Variants in CCSER1 observed in about 807,000 individuals in gnomAD.
The protein encoded by CCSER1 is serine-rich coiled-coil domain-containing protein 1.
A neutral mutation model predicts 82.0 loss-of-function variants in CCSER1; 41 were observed. The observed-to-expected ratio is 0.50, with a 90% CI of 0.39 to 0.65. The LOEUF (loss-of-function observed/expected upper bound fraction) is 0.65. CCSER1 is among the 30% of genes least tolerant of loss of function. The pLI is 0.00. For missense variants in CCSER1, 1,119 were observed against 1,064.2 expected (o/e 1.05, Z -0.72); for synonymous variants, 414 against 383.9 (o/e 1.08, Z -0.92).
intron 1 of CCSER1, among the ~76,000 whole-genome samples, chr4:90,211,199 C>T (rs993463857): frequency 1.3e-5 from 2 of 152,018 alleles, no homozygotes; most frequent in African/African-American, 2.4e-5. Context: ...ATTTGAAATC[C>T]CCATGTGCAA....
chr4:91,106,952 C>A (rs1216308042), intron 10 of CCSER1, among the ~76,000 whole-genome samples: 1 of 152,188 alleles, frequency 6.6e-6, no homozygotes, highest in Non-Finnish European at 1.5e-5. Flanking sequence ...CAAGGATAGA[C>A]TGCATAGATG....
chr4:91,421,126 A>G (rs1753661469), intron 10 of CCSER1, among the ~76,000 whole-genome samples: 1 of 152,202 alleles, frequency 6.6e-6, no homozygotes, highest in African/African-American at 2.4e-5. Context: ...TGGGGATCAC[A>G]GCTAATGTGA....
At chr4:91,315,518 C>T (rs1745772354) in intron 10 of CCSER1, among the ~76,000 whole-genome samples, 1 of 151,932 alleles carries the variant, frequency 6.6e-6, no homozygotes, top group African/African-American at 2.4e-5. Flanking sequence ...TTAACACTAG[C>T]ATTTACTGAG....
chr4:91,094,798 T>C (rs1228449586), intron 10 of CCSER1, among the ~76,000 whole-genome samples: 1 of 152,078 alleles, frequency 6.6e-6, no homozygotes, highest in Non-Finnish European at 1.5e-5. Flanking sequence ...AAAGTCTCCA[T>C]TCTTCTTCTC....
chr4:90,234,739 G>T (rs1427148795), intron 1 of CCSER1, among the ~76,000 whole-genome samples: 1 of 152,104 alleles, frequency 6.6e-6, no homozygotes, highest in Non-Finnish European at 1.5e-5. Context: ...GATGGGGACT[G>T]TTATTATTTC....
intron 10 of CCSER1, among the ~76,000 whole-genome samples, chr4:91,395,927 T>C (rs1751949663): frequency 6.6e-6 from 1 of 152,128 alleles, no homozygotes; most frequent in Non-Finnish European, 1.5e-5. Flanking sequence ...AGCTATTGAA[T>C]GTAGTCAGTT....
intron 1 of CCSER1, among the ~76,000 whole-genome samples, chr4:90,239,698 C>T (rs749637685): frequency 2.6e-5 from 4 of 152,134 alleles, no homozygotes; most frequent in South Asian, 2.1e-4. Context: ...AGTCTAATCT[C>T]GAACGCCTGG....
At chr4:90,434,729 C>A (rs1310512974) in intron 4 of CCSER1, among the ~76,000 whole-genome samples, 2 of 152,062 alleles carry the variant, frequency 1.3e-5, no homozygotes, top group African/African-American at 2.4e-5. Flanking sequence ...ATTTGAGGAA[C>A]CTTGCATTCA....
At chr4:90,271,615 G>A (rs1726288182) in intron 1 of CCSER1, among the ~76,000 whole-genome samples, 1 of 151,386 alleles carries the variant, frequency 6.6e-6, no homozygotes, top group Non-Finnish European at 1.5e-5. Context: ...ACCAAGCACA[G>A]GCAACTAAAG....
chr4:91,019,231 AT>A (rs991695205), intron 9 of CCSER1, among the ~76,000 whole-genome samples: 21 of 151,784 alleles, frequency 1.4e-4, no homozygotes, highest in African/African-American at 4.8e-4. Context: ...AAACAAATAT[AT>A]TTATAAATTA....
chr4:90,802,570 T>G (rs1317577512), intron 7 of CCSER1, among the ~76,000 whole-genome samples: 4 of 66,518 alleles, frequency 6.0e-5, no homozygotes, highest in Admixed American at 5.7e-4. Context: ...AAGTAGTAAT[T>G]ATTAATGCTG....
In CCSER1 at chr4:90,261,781, CTT is replaced by C. The variant is rs1724376054; in HGVS notation, c.-41-46461_-41-46460del. Among the ~76,000 whole-genome samples, 5 of 152,190 alleles carry C rather than the reference CTT, an allele frequency of 3.3e-5. No homozygotes were observed. The South Asian group carries it at 1.0e-3, about 32-fold the overall frequency. ...TACATAATCCCATATTTCTTGGAGA[CTT>C]TGTGTATTTCTTTTGATTCTTTTTG... On this transcript the variant is annotated intron_variant, in intron 1 of 10. Coordinates refer to ENST00000509176, the MANE Select transcript of CCSER1 (RefSeq NM_001145065.2).
At chr4:90,687,003 A>G (rs939325767) in intron 6 of CCSER1, among the ~76,000 whole-genome samples, 1 of 152,164 alleles carries the variant, frequency 6.6e-6, no homozygotes, top group Non-Finnish European at 1.5e-5. Flanking sequence ...CCATGCATGA[A>G]GGTTCAGCCC....
At chr4:91,419,400 C>T (rs547474184) in intron 10 of CCSER1, among the ~76,000 whole-genome samples, 1 of 151,934 alleles carries the variant, frequency 6.6e-6, no homozygotes, top group African/African-American at 2.4e-5. Context: ...TATTAAAATT[C>T]AATTTCTGAA....
chr4:90,885,456 A>G (rs774289136), intron 8 of CCSER1, among the ~76,000 whole-genome samples: 1 of 152,218 alleles, frequency 6.6e-6, no homozygotes, highest in African/African-American at 2.4e-5. Context: ...AGTAACAACT[A>G]TTGTGATTCT....
intron 9 of CCSER1, among the ~76,000 whole-genome samples, chr4:91,018,716 T>A (rs976093549): frequency 2.6e-5 from 4 of 152,008 alleles, no homozygotes; most frequent in African/African-American, 9.7e-5. Context: ...ACCTGAGTCC[T>A]TTCTCATGCT....
intron 10 of CCSER1, among the ~76,000 whole-genome samples, chr4:91,448,223 A>T (rs75760409): frequency 6.6e-6 from 1 of 152,002 alleles, no homozygotes; most frequent in Non-Finnish European, 1.5e-5. Flanking sequence ...AAATATTTCT[A>T]TTTGACAGAC....
At chr4:90,858,967 T>A (rs1764758689) in intron 8 of CCSER1, among the ~76,000 whole-genome samples, 1 of 151,868 alleles carries the variant, frequency 6.6e-6, no homozygotes, top group African/African-American at 2.4e-5. Context: ...GGTCAAAAGA[T>A]ATTTTGCAGT....
At chr4:90,410,538 C>T (rs1754576536) in intron 4 of CCSER1, among the ~76,000 whole-genome samples, 1 of 152,048 alleles carries the variant, frequency 6.6e-6, no homozygotes, top group Admixed American at 6.6e-5. Context: ...CTACTGGGTA[C>T]ATAATGAAAT....
Sources: allele counts gnomAD v4.1 joint callset (sites outside exome capture counted in the v4.1 genomes callset), GRCh38; gene constraint gnomAD v4.1.1; transcripts MANE v1.5; gene names NCBI Gene and HGNC (gene_info 2026-07-23, HGNC 2026-07-21).